SSBP2: variants seen among roughly 807,000 people sequenced by gnomAD.
SSBP2 encodes single stranded DNA binding protein 2, also known as single-stranded DNA-binding protein 2.
SSBP2 carries 17 observed loss-of-function variants against 61.8 expected under a neutral mutation model. That is an observed-to-expected ratio of 0.28 (90% confidence interval 0.19 to 0.41). The LOEUF is 0.41. SSBP2 is among the 10% of genes least tolerant of loss of function. SSBP2 has a pLI of 1.00. For synonymous variants in SSBP2, 139 were observed against 141.3 expected (o/e 0.98, Z 0.12); for missense variants, 310 against 458.7 (o/e 0.68, Z 2.96).
chr5:81,498,719 T>C (rs1228930041), intron 5 of SSBP2, among the ~76,000 whole-genome samples: 3 of 152,052 alleles, frequency 2.0e-5, no homozygotes, highest in Non-Finnish European at 4.4e-5. Context: ...TATTCTATAT[T>C]TTACTTACAA....
At chr5:81,655,032 C>T (rs1305128667) in intron 1 of SSBP2, among the ~76,000 whole-genome samples, 1 of 151,708 alleles carries the variant, frequency 6.6e-6, no homozygotes, top group African/African-American at 2.4e-5. Context: ...CACCTGCAGT[C>T]CCACTGATTT....
intron 4 of SSBP2, among the ~76,000 whole-genome samples, chr5:81,560,733 A>C (rs576289923): frequency 3.9e-5 from 6 of 152,326 alleles, no homozygotes; most frequent in African/African-American, 1.4e-4. Flanking sequence ...GATTCATAAC[A>C]ATATTTTTTA....
intron 5 of SSBP2, among the ~76,000 whole-genome samples, chr5:81,491,033 A>G (rs891003232): frequency 1.3e-5 from 2 of 152,188 alleles, no homozygotes; most frequent in Non-Finnish European, 2.9e-5. Context: ...GTCAACTAGA[A>G]GCTTATTCTA....
At chr5:81,639,408 A>G (rs1748574753) in intron 2 of SSBP2, among the ~76,000 whole-genome samples, 1 of 152,220 alleles carries the variant, frequency 6.6e-6, no homozygotes, top group South Asian at 2.1e-4. Flanking sequence ...ACTGGATAGC[A>G]GTAAACACAA....
chr5:81,617,955 C>T (rs1478153948), intron 3 of SSBP2, among the ~76,000 whole-genome samples: 1 of 136,668 alleles, frequency 7.3e-6, no homozygotes, highest in Non-Finnish European at 1.6e-5. Context: ...GAAGCAAGCG[C>T]TAAACATGGA....
Position 81,419,766 on chromosome 5 carries a change from C to A in SSBP2, c.*738G>T, listed in dbSNP as rs1249125169. 1 of 152,134 alleles carries A rather than the reference C, an allele frequency of 6.6e-6. No homozygotes were observed. The highest frequency in any genetic ancestry group is 6.5e-5 in the Admixed American group (1 of 15,278). 9.4% of individuals were successfully genotyped at this position (152,134 alleles called of 1,614,324 possible). On this transcript the variant is annotated 3_prime_UTR_variant, in exon 17 of 17. Coordinates refer to ENST00000320672, the MANE Select transcript of SSBP2 (RefSeq NM_012446.5). ...TATACTGTGTGAGGCCCCAGTTAAG[C>A]TTTTACTGATTTGAAGTGTTTTTCT...
At chr5:81,716,903 G>A (rs967763961) in intron 1 of SSBP2, among the ~76,000 whole-genome samples, 2 of 152,150 alleles carry the variant, frequency 1.3e-5, no homozygotes, top group African/African-American at 4.8e-5. Context: ...GAAAAGACAG[G>A]TGAGGCTGAT....
chr5:81,543,502 G>C (rs554811202), intron 4 of SSBP2, among the ~76,000 whole-genome samples: 1 of 152,288 alleles, frequency 6.6e-6, no homozygotes, highest in African/African-American at 2.4e-5. Context: ...AAGACTACTA[G>C]AGGGGAGAGG....
intron 4 of SSBP2, among the ~76,000 whole-genome samples, chr5:81,520,833 T>C (rs904104612): frequency 6.6e-6 from 1 of 152,130 alleles, no homozygotes; most frequent in Non-Finnish European, 1.5e-5. Flanking sequence ...CCTCTACCAA[T>C]GTTTGCCTTA....
At chr5:81,738,629 C>G (rs1756786343) in intron 1 of SSBP2, among the ~76,000 whole-genome samples, 2 of 152,140 alleles carry the variant, frequency 1.3e-5, no homozygotes, top group Non-Finnish European at 2.9e-5. Flanking sequence ...AAACTTCTAC[C>G]AACAATTGCA....
chr5:81,426,673 G>A (rs1340119938), intron 16 of SSBP2, among the ~76,000 whole-genome samples: 2 of 152,196 alleles, frequency 1.3e-5, no homozygotes, highest in African/African-American at 2.4e-5. Flanking sequence ...TCTGTGCAAG[G>A]AAGTTCTCCA....
chr5:81,746,227 A>G (rs1269266865), intron 1 of SSBP2, among the ~76,000 whole-genome samples: 6 of 152,082 alleles, frequency 3.9e-5, no homozygotes. Flanking sequence ...GGTTTTTTTG[A>G]TACTTCTGAA....
chr5:81,646,421 T>C (rs752426862), intron 2 of SSBP2, among the ~76,000 whole-genome samples: 55 of 152,220 alleles, frequency 3.6e-4, no homozygotes, highest in Admixed American at 6.5e-4. Flanking sequence ...CATGGAACTA[T>C]TTTGATTTAG....
intron 4 of SSBP2, among the ~76,000 whole-genome samples, chr5:81,600,494 G>A (rs1220575530): frequency 1.4e-5 from 2 of 147,894 alleles, no homozygotes; most frequent in African/African-American, 5.0e-5. Context: ...CCCAGGAGGT[G>A]CAGGTTGCAG....
At chr5:81,669,138 T>C (rs1387187038) in intron 1 of SSBP2, among the ~76,000 whole-genome samples, 2 of 152,152 alleles carry the variant, frequency 1.3e-5, no homozygotes, top group Non-Finnish European at 2.9e-5. Context: ...TGAAAGTATA[T>C]AGAATAAAAC....
chr5:81,434,913 G>A (rs1762579477), intron 15 of SSBP2, among the ~76,000 whole-genome samples: 1 of 152,128 alleles, frequency 6.6e-6, no homozygotes, highest in Admixed American at 6.5e-5. Flanking sequence ...GAGGCAGGGA[G>A]AGAAAGAATC....
chr5:81,556,279 G>A (rs1036073892), intron 4 of SSBP2, among the ~76,000 whole-genome samples: 6 of 152,052 alleles, frequency 3.9e-5, no homozygotes, highest in African/African-American at 1.4e-4. Context: ...TTGCCAATGT[G>A]AATCTTCAAA....
chr5:81,415,497 T>C lies in SSBP2; in HGVS notation c.*5007A>G, dbSNP rs1435278526. 1 of 152,208 alleles carries C rather than the reference T, an allele frequency of 6.6e-6. No homozygotes were observed. Among genetic ancestry groups the C allele is most frequent in the Non-Finnish European group, 1.5e-5 (1 of 68,044 alleles). The allele number at this position is 152,208 out of a possible 1,614,324, so 9.4% of individuals were successfully genotyped here. ...TGTATTATTTGTAATTATTGTTGTA[T>C]TATTGGTTTTTATTGTTATAAAAAT... On this transcript the variant is annotated 3_prime_UTR_variant, in exon 17 of 17. Transcript: ENST00000320672.
At chr5:81,733,823 T>A (rs1156502319) in intron 1 of SSBP2, among the ~76,000 whole-genome samples, 21 of 152,214 alleles carry the variant, frequency 1.4e-4, no homozygotes, top group Admixed American at 1.4e-3. Context: ...TCCCTAGTTT[T>A]GTCTGAATAG....
Sources: gnomAD v4.1 joint callset for allele counts (sites outside exome capture counted in the v4.1 genomes callset) on GRCh38, gnomAD v4.1.1 for gene constraint, MANE v1.5 for transcripts, NCBI Gene and HGNC (gene_info 2026-07-23, HGNC 2026-07-21) for gene names.